FAM81A: variants seen among roughly 807,000 people sequenced by gnomAD.
FAM81A encodes the protein family with sequence similarity 81 member A.
A neutral mutation model predicts 46.7 loss-of-function variants in FAM81A; 19 were observed. The observed-to-expected ratio is 0.41, with a 90% confidence interval of 0.28 to 0.60. The LOEUF is 0.60. FAM81A is among the 20% of genes least tolerant of loss of function. The pLI is 0.34. For synonymous variants in FAM81A, 183 were observed against 152.9 expected, an observed-to-expected ratio of 1.20 and a Z score of -1.45; for missense variants, 377 against 453.5, an observed-to-expected ratio of 0.83 and a Z score of 1.53.
chr15:59,513,201 G>A (rs2082231436), intron 6 of FAM81A, among the ~76,000 whole-genome samples: 1 of 152,038 alleles, frequency 6.6e-6, no homozygotes, highest in South Asian at 2.1e-4. Flanking sequence ...AGGATGGGAG[G>A]GTTTTATTTT....
chr15:59,408,367 T>A (rs2081105916), intron 2 of FAM81A, among the ~76,000 whole-genome samples: 1 of 152,192 alleles, frequency 6.6e-6, no homozygotes, highest in Non-Finnish European at 1.5e-5. Context: ...CATGGACTTT[T>A]TAACTCCAAA....
chr15:59,443,149 C>G (rs916525259), intron 1 of FAM81A, among the ~76,000 whole-genome samples: 2 of 152,216 alleles, frequency 1.3e-5, no homozygotes, highest in Admixed American at 6.5e-5. Flanking sequence ...ATGGCACAAT[C>G]TCGGCTCACT....
At chr15:59,399,167 T>G (rs992376655) in intron 1 of FAM81A, among the ~76,000 whole-genome samples, 23 of 151,770 alleles carry the variant, frequency 1.5e-4, no homozygotes, top group Non-Finnish European at 2.2e-4. Flanking sequence ...AGACTCCATC[T>G]CAAAACAAAA....
intron 3 of FAM81A, among the ~76,000 whole-genome samples, chr15:59,487,968 A>C (rs930875253): frequency 4.6e-5 from 7 of 152,156 alleles, no homozygotes; most frequent in Admixed American, 2.0e-4. Context: ...CAACAAAAAA[A>C]CAAAAAACCT....
chr15:59,447,457 G>A (rs1446754981), intron 1 of FAM81A, among the ~76,000 whole-genome samples: 3 of 152,218 alleles, frequency 2.0e-5, no homozygotes, highest in South Asian at 4.1e-4. Flanking sequence ...AAAAATTCTG[G>A]TCAGGGGTGG....
At chr15:59,403,887 C>CTTTTTTT (rs11387570) in intron 2 of FAM81A, among the ~76,000 whole-genome samples, 1 of 140,090 alleles carries the variant, frequency 7.1e-6, no homozygotes, top group Non-Finnish European at 1.5e-5. Context: ...CTTTTCTTTT[C>CTTTTTTT]TTTTTTTTTT....
At chr15:59,411,605 T>C (rs142336469) in intron 2 of FAM81A, among the ~76,000 whole-genome samples, 5 of 152,200 alleles carry the variant, frequency 3.3e-5, no homozygotes, top group African/African-American at 1.2e-4. Context: ...ATCATCTCCC[T>C]CCACCAGGAG....
At chr15:59,435,000 CA>C (rs2081236907), upstream of FAM81A, among the ~76,000 whole-genome samples, 1 of 152,138 alleles carries the variant, frequency 6.6e-6, no homozygotes, top group African/African-American at 2.4e-5. Context: ...ATCACTTAAA[CA>C]ATTTCAGCCG....
At chr15:59,497,097 TGACAGA>T (rs2082042066) in intron 4 of FAM81A, among the ~76,000 whole-genome samples, 1 of 142,184 alleles carries the variant, frequency 7.0e-6, no homozygotes, top group South Asian at 2.3e-4. Context: ...CCAGCCTGGG[TGACAGA>T]GCAAAACTTT....
intron 3 of FAM81A, among the ~76,000 whole-genome samples, chr15:59,465,366 A>G (rs1178602457): frequency 2.0e-5 from 3 of 152,262 alleles, no homozygotes; most frequent in African/African-American, 7.2e-5. Flanking sequence ...TCAGCCTCCC[A>G]GGTTCAAGTG....
chr15:59,412,644 C>G (rs1162305793), intron 2 of FAM81A, among the ~76,000 whole-genome samples: 2 of 151,796 alleles, frequency 1.3e-5, no homozygotes, highest in African/African-American at 4.8e-5. Context: ...GGAGAATTGC[C>G]TGAGTCCAGG....
intron 4 of FAM81A, among the ~76,000 whole-genome samples, chr15:59,502,485 C>CTGTGTGTG (rs71119478): frequency 0.018 from 2,541 of 138,232 alleles, 33 homozygotes; most frequent in Middle Eastern, 0.043. Context: ...GTTGACTTCA[C>CTGTGTGTG]TGTGTGTGTG....
chr15:59,413,082 G>A (rs143067004), intron 2 of FAM81A, among the ~76,000 whole-genome samples: 150 of 152,232 alleles, frequency 9.9e-4, no homozygotes, highest in African/African-American at 3.4e-3. Flanking sequence ...GCAACAGCAC[G>A]CCACACAAGG....
At chr15:59,467,201 G>T (rs1387645770) in intron 3 of FAM81A, among the ~76,000 whole-genome samples, 2 of 152,074 alleles carry the variant, frequency 1.3e-5, no homozygotes, top group Non-Finnish European at 2.9e-5. Context: ...CTCTTTTTTG[G>T]TTCCATATGA....
intron 2 of FAM81A, among the ~76,000 whole-genome samples, chr15:59,426,099 GC>G (rs1245830090): frequency 6.6e-6 from 1 of 152,162 alleles, no homozygotes; most frequent in Non-Finnish European, 1.5e-5. Flanking sequence ...GCTTCATAAT[GC>G]CATTCTAAAG....
At position 59,429,977 on chromosome 15, in the gene FAM81A, C is replaced by G. The variant is rs1397103903; in HGVS notation, c.-78+27619C>G. On this transcript the variant is annotated intron_variant, in intron 2 of 4. Transcript: ENST00000558348. ...GTAGTAGGACTAGGGAGGTGTGAGT[C>G]TTCTTTGTTCTGGGTATGCTTTGTA... 2.6e-5 allele frequency among the ~76,000 whole-genome samples: 4 copies of G among 152,138 alleles called. No homozygotes were observed. The East Asian group carries it at 5.8e-4, about 22-fold the overall frequency.
chr15:59,481,293 C>T lies in FAM81A; in HGVS notation c.295-10978C>T, dbSNP rs544306812. Among the ~76,000 whole-genome samples the T allele has an allele frequency of 2.0e-4, 31 of 152,192 alleles. No individual in the cohort carries two copies. The South Asian group carries it at 3.9e-3, about 19-fold the overall frequency. ...GATTACAGGAGTGAGCCATCGCACC[C>T]GACCCCAGAGCGGTTCTAATACAAT... is the stretch of plus-strand genomic sequence containing the variant. On this transcript the variant is annotated intron_variant, in intron 3 of 8. Transcript: ENST00000288228.
At chr15:59,445,229 A>C (rs1596475604) in intron 1 of FAM81A, 2 of 152,332 alleles carry the variant, frequency 1.3e-5, no homozygotes, top group East Asian at 3.9e-4. Context: ...TGAAGAAGAC[A>C]TTCTCTCTGG....
chr15:59,406,011 T>C (rs2081092667), intron 2 of FAM81A, among the ~76,000 whole-genome samples: 1 of 152,150 alleles, frequency 6.6e-6, no homozygotes, highest in African/African-American at 2.4e-5. Context: ...ATTCCTTTTA[T>C]CCTTGCAACT....
Sources: gnomAD v4.1 joint callset for allele counts (sites outside exome capture counted in the v4.1 genomes callset) on GRCh38, gnomAD v4.1.1 for gene constraint, MANE v1.5 for transcripts, NCBI Gene and HGNC (gene_info 2026-07-23, HGNC 2026-07-21) for gene names.